SH3RF1: variants seen among roughly 807,000 people sequenced by gnomAD.
SH3RF1 encodes the protein SH3 domain containing ring finger 1, also known as E3 ubiquitin-protein ligase SH3RF1.
A neutral mutation model predicts 74.0 loss-of-function variants in SH3RF1; 32 were observed. The observed-to-expected ratio is 0.43, with a 90% confidence interval of 0.33 to 0.58. SH3RF1 has a LOEUF of 0.58. Ranked by LOEUF, SH3RF1 falls within the 20% of genes least tolerant of loss-of-function variation. SH3RF1 has a pLI of 0.05. For missense variants in SH3RF1, 954 were observed against 1,130.9 expected (o/e 0.84, Z 2.24); for synonymous variants, 396 against 439.6 (o/e 0.90, Z 1.24).
intron 2 of SH3RF1, among the ~76,000 whole-genome samples, chr4:169,192,712 T>C (rs1206932038): frequency 1.3e-5 from 2 of 151,514 alleles, no homozygotes; most frequent in South Asian, 2.1e-4. Context: ...CAATTCGCAA[T>C]TGCAAAAACG....
intron 2 of SH3RF1, among the ~76,000 whole-genome samples, chr4:169,189,325 A>G (rs1561048293): frequency 6.6e-6 from 1 of 152,266 alleles, no homozygotes; most frequent in Non-Finnish European, 1.5e-5. Context: ...TAGTCCCATT[A>G]AAACACTTTT....
At chr4:169,182,008 T>C (rs1003957432) in intron 2 of SH3RF1, among the ~76,000 whole-genome samples, 1 of 152,232 alleles carries the variant, frequency 6.6e-6, no homozygotes, top group African/African-American at 2.4e-5. Flanking sequence ...TATTTACTGC[T>C]GTATCTTCAG....
intron 11 of SH3RF1, among the ~76,000 whole-genome samples, chr4:169,101,653 A>T (rs890059435): frequency 2.7e-4 from 40 of 150,126 alleles, no homozygotes; most frequent in Admixed American, 1.3e-4. Context: ...AATGAATAAA[A>T]TTTTTTGTTT....
chr4:169,168,020 G>T (rs1030983470), intron 2 of SH3RF1, among the ~76,000 whole-genome samples: 3 of 152,038 alleles, frequency 2.0e-5, no homozygotes, highest in Admixed American at 1.3e-4. Context: ...CAGGCCTATA[G>T]TCCCAGCTAC....
intron 2 of SH3RF1, among the ~76,000 whole-genome samples, chr4:169,204,442 C>T (rs1730200977): frequency 6.6e-6 from 1 of 152,148 alleles, no homozygotes; most frequent in South Asian, 2.1e-4. Flanking sequence ...GTTTAACACT[C>T]CACATATATT....
At chr4:169,149,031 C>T (rs1287671859) in intron 4 of SH3RF1, among the ~76,000 whole-genome samples, 1 of 152,150 alleles carries the variant, frequency 6.6e-6, no homozygotes, top group African/African-American at 2.4e-5. Flanking sequence ...CTGATTATGG[C>T]TATGCAGGAA....
intron 2 of SH3RF1, among the ~76,000 whole-genome samples, chr4:169,252,716 G>A: frequency 6.6e-6 from 1 of 152,194 alleles, no homozygotes; most frequent in East Asian, 1.9e-4. Context: ...TCAGTTCAGG[G>A]ACAGAGAATA....
intron 2 of SH3RF1, among the ~76,000 whole-genome samples, chr4:169,162,205 A>T (rs934318977): frequency 6.6e-6 from 1 of 152,234 alleles, no homozygotes; most frequent in Non-Finnish European, 1.5e-5. Context: ...AACAAAAAAC[A>T]TGTTGGCTTT....
intron 2 of SH3RF1, among the ~76,000 whole-genome samples, chr4:169,236,916 A>C (rs977678918): frequency 1.1e-4 from 16 of 152,240 alleles, no homozygotes; most frequent in Non-Finnish European, 1.5e-4. Context: ...ATGGAAAAAT[A>C]TCTCCAAAAA....
intron 2 of SH3RF1, among the ~76,000 whole-genome samples, chr4:169,161,905 C>A (rs1734154393): frequency 6.6e-6 from 1 of 152,142 alleles, no homozygotes; most frequent in Non-Finnish European, 1.5e-5. Flanking sequence ...TTGGGTCAGG[C>A]ACGGTAGCTC....
intron 2 of SH3RF1, chr4:169,166,367 A>G: frequency 6.3e-6 from 1 of 159,308 alleles, no homozygotes; most frequent in South Asian, 1.7e-4. Context: ...GGGTAACTTC[A>G]AGGCTAAAAG....
At chr4:169,251,193 A>G (rs1731098893) in intron 2 of SH3RF1, among the ~76,000 whole-genome samples, 1 of 152,226 alleles carries the variant, frequency 6.6e-6, no homozygotes, top group Non-Finnish European at 1.5e-5. Flanking sequence ...GACTATGTCA[A>G]TACATAGAGC....
chr4:169,207,513 C>G (rs75817292), intron 2 of SH3RF1, among the ~76,000 whole-genome samples: 3,118 of 152,280 alleles, frequency 0.02, 50 homozygotes, highest in Non-Finnish European at 0.034. Flanking sequence ...CATTTTAAAA[C>G]AAGTCATATA....
rs528162623 is a variant in SH3RF1 at position 169,237,339 on chromosome 4, G to A, written c.393+31481C>T. 7.1e-4 allele frequency among the ~76,000 whole-genome samples: 108 copies of A among 152,294 alleles called. 1 individual carries two copies. The South Asian group carries it at 0.017, about 24-fold the overall frequency. ...TCACCAGGTGTTTATTTACCTGGGG[G>A]ACAATTAAAGCTGATTTCAGGCTGG... On this transcript the variant is annotated intron_variant, in intron 2 of 11. Transcript: ENST00000284637.
chr4:169,161,320 T>C (rs1035424552), intron 2 of SH3RF1, among the ~76,000 whole-genome samples: 16 of 152,244 alleles, frequency 1.1e-4, no homozygotes, highest in African/African-American at 3.1e-4. Context: ...AAAATAAGTA[T>C]GATAGTGGGC....
At chr4:169,214,772 GAA>G (rs1476423139) in intron 2 of SH3RF1, among the ~76,000 whole-genome samples, 2 of 152,054 alleles carry the variant, frequency 1.3e-5, no homozygotes, top group African/African-American at 4.8e-5. Flanking sequence ...ATGCCATATA[GAA>G]AAGTGATTGG....
intron 2 of SH3RF1, among the ~76,000 whole-genome samples, chr4:169,236,264 C>A (rs1730822119): frequency 6.6e-6 from 1 of 152,194 alleles, no homozygotes; most frequent in African/African-American, 2.4e-5. Flanking sequence ...TAAAACATGT[C>A]ACTTCCAGAT....
chr4:169,097,707 C>T (rs577281383), intron 11 of SH3RF1, among the ~76,000 whole-genome samples: 2 of 152,286 alleles, frequency 1.3e-5, no homozygotes, highest in South Asian at 2.1e-4. Flanking sequence ...CCTAGTGATC[C>T]TTGCTTCCTG....
intron 2 of SH3RF1, among the ~76,000 whole-genome samples, chr4:169,171,100 T>G (rs941776021): frequency 2.6e-5 from 4 of 152,258 alleles, no homozygotes; most frequent in Non-Finnish European, 5.9e-5. Context: ...GTAAACAAAC[T>G]GTAACCTACT....
Sources: gnomAD v4.1 joint callset for allele counts (sites outside exome capture counted in the v4.1 genomes callset) on GRCh38, gnomAD v4.1.1 for gene constraint, MANE v1.5 for transcripts, NCBI Gene and HGNC (gene_info 2026-07-23, HGNC 2026-07-21) for gene names.